Variants in GASK1A observed in about 807,000 individuals in gnomAD.
The protein encoded by GASK1A is golgi associated kinase 1A, also known as Golgi-associated kinase 1A.
In GASK1A, 40 loss-of-function variants were observed where a neutral mutation model predicts 41.2. The ratio of observed to expected loss-of-function variants is 0.97; its 90% CI spans 0.75 to 1.27. The LOEUF (loss-of-function observed/expected upper bound fraction) is 1.27. Ranked by LOEUF, GASK1A falls within the 50% of genes most tolerant of loss-of-function variation. The probability of loss-of-function intolerance (pLI) is 0.00; values close to 1 mark genes in which losing one functional copy is unlikely to be tolerated. For missense variants in GASK1A, 678 were observed against 745.1 expected, an observed-to-expected ratio of 0.91 and a Z score of 1.05; for synonymous variants, 316 against 307.1, an observed-to-expected ratio of 1.03 and a Z score of -0.30.
chr3:43,045,465 A>G (rs144054704), intron 2 of GASK1A, among the ~76,000 whole-genome samples: 163 of 152,320 alleles, frequency 1.1e-3, no homozygotes, highest in African/African-American at 3.7e-3. Context: ...TTGTTTATGT[A>G]TTATCTATAA....
intron 1 of GASK1A, among the ~76,000 whole-genome samples, chr3:42,981,493 T>C (rs2089282770): frequency 6.6e-6 from 1 of 152,200 alleles, no homozygotes; most frequent in Non-Finnish European, 1.5e-5. Context: ...ATTTTGAGAT[T>C]GGATCTCAAT....
At chr3:43,012,542 G>A (rs557982621) in intron 1 of GASK1A, among the ~76,000 whole-genome samples, 1 of 151,822 alleles carries the variant, frequency 6.6e-6, no homozygotes, top group South Asian at 2.1e-4. Context: ...AAGGGGCTAT[G>A]TGAAGTCACA....
At chr3:42,986,273 A>G (rs1316191276) in intron 1 of GASK1A, among the ~76,000 whole-genome samples, 1 of 152,180 alleles carries the variant, frequency 6.6e-6, no homozygotes, top group Non-Finnish European at 1.5e-5. Context: ...AGAAAAGGCA[A>G]AACTATAGGG....
At chr3:43,008,338 G>A (rs750558907) in intron 1 of GASK1A, among the ~76,000 whole-genome samples, 1 of 152,176 alleles carries the variant, frequency 6.6e-6, no homozygotes, top group Non-Finnish European at 1.5e-5. Context: ...GGACCTCCAC[G>A]CCTCCATGGT....
intron 3 of GASK1A, among the ~76,000 whole-genome samples, chr3:43,054,966 C>T (rs575752684): frequency 2.6e-5 from 4 of 152,306 alleles, no homozygotes; most frequent in Non-Finnish European, 4.4e-5. Context: ...CCCTCACAGC[C>T]GGTGGCCCCG....
At chr3:43,017,778 A>C (rs2089500466) in intron 1 of GASK1A, among the ~76,000 whole-genome samples, 1 of 146,882 alleles carries the variant, frequency 6.8e-6, no homozygotes, top group Admixed American at 6.7e-5. Flanking sequence ...GGGAAGGGCA[A>C]GGAGAAGTCT....
intron 2 of GASK1A, among the ~76,000 whole-genome samples, chr3:43,045,734 A>G (rs1357257391): frequency 6.6e-6 from 1 of 152,192 alleles, no homozygotes; most frequent in Non-Finnish European, 1.5e-5. Context: ...TGTAATCCCC[A>G]TAATCCCTAC....
At chr3:43,007,465 A>G (rs559046867) in intron 1 of GASK1A, among the ~76,000 whole-genome samples, 1 of 152,216 alleles carries the variant, frequency 6.6e-6, no homozygotes, top group East Asian at 1.9e-4. Context: ...CTGGGTGTCT[A>G]GCTTCTTCTT....
intron 1 of GASK1A, among the ~76,000 whole-genome samples, chr3:43,011,158 C>T (rs2125679568): frequency 6.6e-6 from 1 of 152,224 alleles, no homozygotes; most frequent in East Asian, 1.9e-4. Flanking sequence ...CCGAGGTGGG[C>T]AGATCACGAG....
chr3:43,032,268 C>T lies in GASK1A; in HGVS notation c.5C>T (p.Ala2Val), dbSNP rs891431614. ...TTTTCTTTCTACCCTGTCTCTCAGG[C>T]GTCTTGGCTCCGGAGAAAGCTGCGT... MASWLRRKLRGK... is the reference protein window; with the variant it reads MVSWLRRKLRGK... The change falls in exon 2 of 5, where the codon GCG becomes GTG. Residue 2 changes from alanine (A) to valine (V), a missense_variant and splice_region_variant. Transcript: ENST00000430121. The T allele has an allele frequency of 4.0e-6, 6 of 1,516,036 alleles. No homozygotes were observed. The highest frequency in any genetic ancestry group is 1.4e-5 in the African/African-American group (1 of 72,154). The allele number at this position is 1,516,036 out of a possible 1,614,324, so 93.9% of individuals were successfully genotyped here. A position where few individuals can be genotyped will look rare whatever the true frequency, so the allele number is the denominator to read the frequency against.
At chr3:43,006,513 C>G (rs571492013) in intron 1 of GASK1A, among the ~76,000 whole-genome samples, 1 of 152,278 alleles carries the variant, frequency 6.6e-6, no homozygotes, top group South Asian at 2.1e-4. Context: ...GAAGGCTTTG[C>G]TCAATGGTGC....
intron 3 of GASK1A, chr3:43,053,901 C>A: frequency 1.8e-6 from 1 of 547,712 alleles, no homozygotes; most frequent in Non-Finnish European, 3.4e-6. Flanking sequence ...TCTCCACTGC[C>A]CCTAAGAGAC....
In GASK1A at chr3:42,988,390, C is replaced by A. The variant is rs549834493; in HGVS notation, c.3+8745C>A. 1.8e-4 allele frequency among the ~76,000 whole-genome samples: 27 copies of A among 152,294 alleles called. No individual in the cohort carries two copies. The South Asian group carries it at 5.6e-3, about 32-fold the overall frequency. ...GGATTCAAATCCTCCCATCTTGGGG[C>A]AGCAGGTTCATGGTTCTATAAGAGC... On this transcript the variant is annotated intron_variant, in intron 1 of 4. Transcript: ENST00000430121.
chr3:43,024,299 T>C (rs1311418375), intron 1 of GASK1A, among the ~76,000 whole-genome samples: 2 of 152,190 alleles, frequency 1.3e-5, no homozygotes, highest in Non-Finnish European at 2.9e-5. Flanking sequence ...TTCAGTTAGC[T>C]TAACTTTCTT....
intron 1 of GASK1A, among the ~76,000 whole-genome samples, chr3:43,023,020 G>A (rs2089529825): frequency 6.6e-6 from 1 of 152,204 alleles, no homozygotes; most frequent in Admixed American, 6.5e-5. Context: ...ACCATGTGTA[G>A]TAGGCTGAAA....
chr3:43,025,451 T>C (rs1053154345), intron 1 of GASK1A, among the ~76,000 whole-genome samples: 1 of 152,184 alleles, frequency 6.6e-6, no homozygotes, highest in African/African-American at 2.4e-5. Context: ...AATTAGAAAG[T>C]GGAGAACTGC....
At chr3:43,030,297 G>A (rs755135387) in intron 1 of GASK1A, among the ~76,000 whole-genome samples, 24 of 152,220 alleles carry the variant, frequency 1.6e-4, no homozygotes, top group African/African-American at 5.8e-4. Context: ...ATGAGCGACC[G>A]CGCCCAGCCA....
intron 1 of GASK1A, among the ~76,000 whole-genome samples, chr3:42,982,964 G>C (rs376783937): frequency 1.6e-4 from 25 of 152,312 alleles, no homozygotes; most frequent in African/African-American, 6.0e-4. Context: ...AGCTGAAGCT[G>C]GAAAAGGGAT....
rs1242640806 is a variant in GASK1A at position 43,033,121 on chromosome 3, T to C, written c.858T>C (p.His286=). The C allele has an allele frequency of 1.3e-6, 2 of 1,551,122 alleles. No homozygotes were observed. Among genetic ancestry groups the C allele is most frequent in the South Asian group, 1.2e-5 (1 of 84,024 alleles). Reference sequence around the variant, plus strand: ...TGGACAAAGCCAGGGTCCCCGCCCATGGGCAGGTGCTACAGGTTGGCTTCT... The same window carrying C: ...TGGACAAAGCCAGGGTCCCCGCCCACGGGCAGGTGCTACAGGTTGGCTTCT... ...EVVDKARVPA[H]GQVLQVGFST... Residue 286 remains histidine (H), a synonymous_variant, in exon 2 of 5, where the codon CAT becomes CAC. Coordinates refer to ENST00000430121, the MANE Select transcript of GASK1A (RefSeq NM_001129908.3).
Sources: allele counts gnomAD v4.1 joint callset (sites outside exome capture counted in the v4.1 genomes callset), GRCh38; gene constraint gnomAD v4.1.1; transcripts MANE v1.5; gene names NCBI Gene and HGNC (gene_info 2026-07-23, HGNC 2026-07-21).